The following ZC3H13 variants were observed in gnomAD, a reference collection of about 807,000 sequenced individuals.
The protein encoded by ZC3H13 is zinc finger CCCH domain-containing protein 13.
ZC3H13 carries 64 observed loss-of-function variants against 204.1 expected under a neutral mutation model. The ratio of observed to expected loss-of-function variants is 0.31; its 90% confidence interval spans 0.26 to 0.39. The LOEUF is 0.39. ZC3H13 is among the 10% of genes least tolerant of loss of function. ZC3H13 has a pLI of 1.00. For missense variants in ZC3H13, 1,833 were observed against 2,082.7 expected (o/e 0.88, Z 2.33); for synonymous variants, 667 against 693.7 (o/e 0.96, Z 0.60).
intron 18 of ZC3H13, among the ~76,000 whole-genome samples, chr13:45,958,890 G>A (rs899228941): frequency 3.9e-5 from 6 of 151,938 alleles, no homozygotes; most frequent in Non-Finnish European, 7.4e-5. Context: ...TCCTGACCTC[G>A]TGATTCACCT....
At position 46,027,323 on chromosome 13, in the gene ZC3H13, C is replaced by A. The variant is rs533933504; in HGVS notation, c.340-6766G>T. On this transcript the variant is annotated intron_variant, in intron 4 of 18. Transcript: ENST00000679008. Reference sequence around the variant, plus strand: ...GTTTTGCCATGTTGCCCAGGCTGATCTTGAACTTCTGAGCTCAAGCAATCT... The same window carrying A: ...GTTTTGCCATGTTGCCCAGGCTGATATTGAACTTCTGAGCTCAAGCAATCT... 1.2e-3 allele frequency among the ~76,000 whole-genome samples: 181 copies of A among 152,232 alleles called. 1 individual carries two copies. The Middle Eastern group carries it at 0.034, about 29-fold the overall frequency.
At chr13:45,990,816 T>C (rs1593567842) in intron 8 of ZC3H13, among the ~76,000 whole-genome samples, 1 of 145,822 alleles carries the variant, frequency 6.9e-6, no homozygotes, top group Non-Finnish European at 1.5e-5. Context: ...TTTGGGGGGA[T>C]GGGCGGGGGG....
chr13:46,011,424 AATG>A lies in ZC3H13; in HGVS notation c.576_578del (p.Ile193del), dbSNP rs1396140316. 2 of 1,604,904 alleles carry A rather than the reference AATG, an allele frequency of 1.2e-6. No homozygotes were observed. The highest frequency in any genetic ancestry group is 1.1e-5 in the South Asian group (1 of 89,160). On this transcript the variant is annotated inframe_deletion, in exon 6 of 19. Transcript: ENST00000679008. Reference sequence around the variant, plus strand: ...GCAATAAATAGCATACCTCCTTTTTAATGATAATTTCTTCTCTCTTCTCCATGT... The same window carrying A: ...GCAATAAATAGCATACCTCCTTTTTAATAATTTCTTCTCTCTTCTCCATGT...
At chr13:45,957,501 C>G (rs1470052217) in intron 18 of ZC3H13, among the ~76,000 whole-genome samples, 1 of 152,124 alleles carries the variant, frequency 6.6e-6, no homozygotes, top group Non-Finnish European at 1.5e-5. Context: ...TAGAGGGCAC[C>G]TAGTTTAACC....
At chr13:45,977,432 T>G (rs532990358) in intron 11 of ZC3H13, among the ~76,000 whole-genome samples, 1 of 152,300 alleles carries the variant, frequency 6.6e-6, no homozygotes, top group South Asian at 2.1e-4. Flanking sequence ...AAAATATCAA[T>G]GCTACTTTCT....
intron 3 of ZC3H13, among the ~76,000 whole-genome samples, chr13:46,042,777 T>C (rs2043680203): frequency 6.6e-6 from 1 of 152,034 alleles, no homozygotes; most frequent in Admixed American, 6.6e-5. Flanking sequence ...ATGCCTGTGG[T>C]TGGATGCAAC....
chr13:45,975,083 G>T (rs1394853345), intron 12 of ZC3H13, among the ~76,000 whole-genome samples, 200 bp downstream of exon 12: 1 of 151,840 alleles, frequency 6.6e-6, no homozygotes, highest in African/African-American at 2.4e-5. Flanking sequence ...TGGCCTGAAG[G>T]AATCTGCCTG....
chr13:46,045,209 A>C lies in ZC3H13; in HGVS notation c.118-145T>G, dbSNP rs905293934. On this transcript the variant is annotated intron_variant, in intron 2 of 18. Transcript: ENST00000679008. The stretch of plus-strand genomic sequence containing the variant: ...CCAAATAATAAAAACTTCAGGAAAA[A>C]AATATGGAAAAACCCATAAACCTTA... The C allele has an allele frequency of 6.2e-6, 6 of 965,892 alleles. No homozygotes were observed. The African/African-American group carries it at 9.9e-5, about 16-fold the overall frequency. The allele number at this position is 965,892 out of a possible 1,614,324, so 59.8% of individuals were successfully genotyped here.
intron 8 of ZC3H13, among the ~76,000 whole-genome samples, chr13:45,998,956 G>A (rs1245307325): frequency 6.6e-6 from 1 of 152,176 alleles, no homozygotes. Flanking sequence ...CAAAACTGCA[G>A]TCGGCTGGGC....
Position 46,011,416 on chromosome 13 carries a change from T to C in ZC3H13, c.587A>G (p.Glu196Gly). The change falls in exon 6 of 19, where the codon GAG becomes GGG. Residue 196 changes from glutamate (E) to glycine (G), a missense_variant and splice_region_variant. This residue lies in a region of ZC3H13 where 1,574 missense variants were observed against 1,757.2 expected (regional missense o/e 0.90). Coordinates refer to ENST00000679008, the MANE Select transcript of ZC3H13 (RefSeq NM_001330564.2). ...EKREEIIIKK[E>G]VSPEVVRSKL... ...TATTTATTGCAATAAATAGCATACC[T>C]CCTTTTTAATGATAATTTCTTCTCT... is the stretch of plus-strand genomic sequence containing the variant. 6.2e-7 allele frequency: 1 copy of C among 1,604,824 alleles called. No homozygotes were observed. Among genetic ancestry groups the C allele is most frequent in the Non-Finnish European group, 8.5e-7 (1 of 1,176,824 alleles).
intron 8 of ZC3H13, among the ~76,000 whole-genome samples, chr13:45,993,882 A>AT (rs2040144199): frequency 1.3e-5 from 2 of 152,364 alleles, no homozygotes; most frequent in African/African-American, 4.8e-5. Context: ...AACAGATTTG[A>AT]TTAAAAAAAA....
At chr13:46,001,274 T>C (rs1273571748) in intron 8 of ZC3H13, 3 of 152,188 alleles carry the variant, frequency 2.0e-5, no homozygotes, top group South Asian at 2.1e-4. Flanking sequence ...GCGCCTGTAA[T>C]TTCTTCATTC....
intron 7 of ZC3H13, among the ~76,000 whole-genome samples, chr13:46,005,932 TA>T (rs2041112124): frequency 6.6e-6 from 1 of 151,816 alleles, no homozygotes; most frequent in Admixed American, 6.6e-5. Flanking sequence ...CCGCCTCTAC[TA>T]AAAATACAAA....
chr13:45,979,253 T>A (rs964262425), intron 11 of ZC3H13, among the ~76,000 whole-genome samples: 1 of 152,162 alleles, frequency 6.6e-6, no homozygotes, highest in African/African-American at 2.4e-5. Context: ...AGAGATCACC[T>A]GATAGATGAA....
intron 6 of ZC3H13, among the ~76,000 whole-genome samples, chr13:46,010,727 T>A (rs1204872822): frequency 6.7e-6 from 1 of 148,994 alleles, no homozygotes; most frequent in African/African-American, 2.5e-5. Context: ...AAAAACCCTA[T>A]CTCTTATACA....
At chr13:46,024,043 G>GATT (rs1160221096) in intron 4 of ZC3H13, among the ~76,000 whole-genome samples, 1 of 152,158 alleles carries the variant, frequency 6.6e-6, no homozygotes, top group African/African-American at 2.4e-5. Flanking sequence ...AGGAGAATGG[G>GATT]ATTATTCTAA....
At chr13:46,019,165 T>C (rs992045759) in intron 5 of ZC3H13, among the ~76,000 whole-genome samples, 2 of 152,192 alleles carry the variant, frequency 1.3e-5, no homozygotes, top group Admixed American at 6.6e-5. Flanking sequence ...TGGAAAGATG[T>C]ATTTACAATA....
At position 45,991,976 on chromosome 13, in the gene ZC3H13, C is replaced by T. The variant is rs527941753; in HGVS notation, c.945-2879G>A. Among the ~76,000 whole-genome samples the T allele has an allele frequency of 7.9e-5, 12 of 152,268 alleles. No homozygotes were observed. The East Asian group carries it at 1.9e-3, about 24-fold the overall frequency. On this transcript the variant is annotated intron_variant, in intron 8 of 18. Coordinates refer to ENST00000679008, the MANE Select transcript of ZC3H13 (RefSeq NM_001330564.2). ...TGCAAACTAATAGGTTTACCCCAGA[C>T]TTACTTAAAAATAGTAACACCAATG... is the stretch of plus-strand genomic sequence containing the variant.
At chr13:45,995,438 G>C (rs374004314) in intron 8 of ZC3H13, among the ~76,000 whole-genome samples, 2 of 152,248 alleles carry the variant, frequency 1.3e-5, no homozygotes, top group South Asian at 4.1e-4. Flanking sequence ...TTTATCCCTT[G>C]TGAATGAGTT....
Sources: gnomAD v4.1 joint callset for allele counts (sites outside exome capture counted in the v4.1 genomes callset) on GRCh38, gnomAD v4.1.1 for gene constraint, gnomAD v4.1.1 regional missense constraint, MANE v1.5 for transcripts, NCBI Gene and HGNC (gene_info 2026-07-23, HGNC 2026-07-21) for gene names.